The following CCSER1 variants were observed in gnomAD, a reference collection of about 807,000 sequenced individuals.
CCSER1 encodes serine-rich coiled-coil domain-containing protein 1.
In CCSER1, 41 loss-of-function variants were observed where a neutral mutation model predicts 82.0. That is an observed-to-expected ratio of 0.50 (90% CI 0.39 to 0.65). The LOEUF (loss-of-function observed/expected upper bound fraction) is 0.65. Ranked by LOEUF, CCSER1 falls within the 30% of genes least tolerant of loss-of-function variation. CCSER1 has a pLI of 0.00. For synonymous variants in CCSER1, 414 were observed against 383.9 expected, an observed-to-expected ratio of 1.08 and a Z score of -0.92; for missense variants, 1,119 against 1,064.2, an observed-to-expected ratio of 1.05 and a Z score of -0.72.
chr4:90,129,530 T>C (rs1239655996), intron 1 of CCSER1, among the ~76,000 whole-genome samples: 1 of 152,236 alleles, frequency 6.6e-6, no homozygotes, highest in Non-Finnish European at 1.5e-5. Context: ...AACTGAAATG[T>C]CTCTAAAAGC....
chr4:90,825,288 T>C lies in CCSER1; in HGVS notation c.2094+9443T>C, dbSNP rs541822417. On this transcript the variant is annotated intron_variant, in intron 8 of 10. Transcript: ENST00000509176. ...TAGGCATGTAGTTGAAATTAATTTA[T>C]ACGTAAAGTTAAACAGTTGAATATT... Among the ~76,000 whole-genome samples, 4 of 152,366 alleles carry C rather than the reference T, an allele frequency of 2.6e-5. No individual in the cohort carries two copies. In the South Asian group the frequency reaches 6.2e-4, roughly 24 times the overall value.
At chr4:90,546,661 TAA>T (rs936777650) in intron 5 of CCSER1, among the ~76,000 whole-genome samples, 1 of 151,988 alleles carries the variant, frequency 6.6e-6, no homozygotes, top group Non-Finnish European at 1.5e-5. Context: ...TGACTTTTAA[TAA>T]AAAAAATTTC....
At chr4:91,249,950 T>A (rs10015840) in intron 10 of CCSER1, among the ~76,000 whole-genome samples, 73,440 of 147,060 alleles carry the variant, frequency 0.5, 18,122 homozygotes, top group African/African-American at 0.59. Context: ...TCCTGAATAA[T>A]AAAAAAAAAA....
chr4:90,355,898 C>T (rs995037902), intron 3 of CCSER1, among the ~76,000 whole-genome samples: 4 of 151,742 alleles, frequency 2.6e-5, no homozygotes, highest in African/African-American at 9.7e-5. Context: ...TAAATTATCC[C>T]CTTGCCAGAC....
At chr4:91,467,944 C>T (rs372585264) in intron 10 of CCSER1, among the ~76,000 whole-genome samples, 7 of 152,260 alleles carry the variant, frequency 4.6e-5, no homozygotes, top group South Asian at 2.1e-4. Flanking sequence ...GACAGTGTGG[C>T]GATTCCTCAG....
intron 8 of CCSER1, among the ~76,000 whole-genome samples, chr4:90,829,972 A>C (rs1056675285): frequency 6.6e-6 from 1 of 152,056 alleles, no homozygotes; most frequent in Non-Finnish European, 1.5e-5. Flanking sequence ...GACTGTTAAC[A>C]CTCATGCCCA....
At position 91,098,745 on chromosome 4, in the gene CCSER1, GT is replaced by G. The variant is rs199762190; in HGVS notation, c.2217+12753del. Reference sequence around the variant, plus strand: ...TTTAGTAGAGATGGGGTTTCACCATGTTAGCCAGGGTGGTCTGGATCTCCTG... The same window carrying G: ...TTTAGTAGAGATGGGGTTTCACCATGTAGCCAGGGTGGTCTGGATCTCCTG... On this transcript the variant is annotated intron_variant, in intron 10 of 10. Coordinates refer to ENST00000509176, the MANE Select transcript of CCSER1 (RefSeq NM_001145065.2). 1.3e-3 allele frequency among the ~76,000 whole-genome samples: 202 copies of G among 152,204 alleles called. 4 individuals carry two copies. In the East Asian group the frequency reaches 0.029, roughly 22 times the overall value.
intron 10 of CCSER1, among the ~76,000 whole-genome samples, chr4:91,524,362 T>C (rs1760664217): frequency 6.6e-6 from 1 of 152,198 alleles, no homozygotes; most frequent in Non-Finnish European, 1.5e-5. Context: ...AGTGAAGCTA[T>C]TTCAGTTCTT....
chr4:90,243,828 C>A (rs1720889891), intron 1 of CCSER1, among the ~76,000 whole-genome samples: 1 of 151,524 alleles, frequency 6.6e-6, no homozygotes, highest in Non-Finnish European at 1.5e-5. Flanking sequence ...ATTATTACTT[C>A]TCTTACAAGT....
chr4:90,228,332 C>T (rs1378238006), intron 1 of CCSER1, among the ~76,000 whole-genome samples: 1 of 152,182 alleles, frequency 6.6e-6, no homozygotes, highest in Non-Finnish European at 1.5e-5. Flanking sequence ...CCCGAGCAGC[C>T]TAACTGGGAG....
chr4:90,886,214 G>A (rs1247796113), intron 8 of CCSER1, among the ~76,000 whole-genome samples: 2 of 152,120 alleles, frequency 1.3e-5, no homozygotes, highest in African/African-American at 4.8e-5. Flanking sequence ...TTATGAACTA[G>A]ACAAAAATAA....
chr4:91,440,390 A>G lies in CCSER1; in HGVS notation c.2218-158182A>G, dbSNP rs537349819. ...ACTGGGTACGTAACGAAATGAAGGC[A>G]GAAATAAAGATGTTCTTTGAAACCA... On this transcript the variant is annotated intron_variant, in intron 10 of 10. Coordinates refer to ENST00000509176, the MANE Select transcript of CCSER1 (RefSeq NM_001145065.2). Among the ~76,000 whole-genome samples the G allele has an allele frequency of 4.6e-5, 7 of 152,344 alleles. No individual in the cohort carries two copies. In the East Asian group the frequency reaches 9.6e-4, roughly 21 times the overall value.
chr4:91,146,560 G>C (rs1729557973), intron 10 of CCSER1, among the ~76,000 whole-genome samples: 1 of 128,106 alleles, frequency 7.8e-6, no homozygotes, highest in Non-Finnish European at 1.7e-5. Context: ...GTGTTTCTTT[G>C]TTTCTTTCTT....
At chr4:90,851,944 A>C (rs896861946) in intron 8 of CCSER1, among the ~76,000 whole-genome samples, 3 of 152,148 alleles carry the variant, frequency 2.0e-5, no homozygotes, top group Non-Finnish European at 4.4e-5. Context: ...TTTGACCTTT[A>C]ATATATATGT....
At chr4:90,570,445 G>A (rs762224087) in intron 5 of CCSER1, among the ~76,000 whole-genome samples, 3 of 152,024 alleles carry the variant, frequency 2.0e-5, no homozygotes, top group African/African-American at 4.8e-5. Context: ...CCTGCCTAAG[G>A]ATGCTCTGCC....
At chr4:90,584,246 T>A (rs558238813) in intron 5 of CCSER1, among the ~76,000 whole-genome samples, 1 of 152,168 alleles carries the variant, frequency 6.6e-6, no homozygotes, top group African/African-American at 2.4e-5. Context: ...AGCCTGTAAG[T>A]CTGGGCCTAG....
intron 5 of CCSER1, 147 bp from the exon 6 acceptor site, chr4:90,627,878 A>AAAAT (rs969986491): frequency 2.0e-5 from 13 of 656,094 alleles, no homozygotes; most frequent in Admixed American, 8.6e-5. Context: ...TCCATCTCAA[A>AAAAT]AAATAAATAA....
intron 10 of CCSER1, among the ~76,000 whole-genome samples, chr4:91,445,390 C>CT (rs5860235): frequency 0.016 from 2,318 of 141,884 alleles, 27 homozygotes; most frequent in Middle Eastern, 0.037. Context: ...ATAGTAATTC[C>CT]TTTTTTTTTT....
intron 5 of CCSER1, among the ~76,000 whole-genome samples, chr4:90,537,932 C>G (rs886576113): frequency 1.3e-5 from 2 of 151,902 alleles, no homozygotes; most frequent in African/African-American, 4.8e-5. Context: ...ACCATTTTTT[C>G]TCTTTTCTGT....
Sources: allele counts gnomAD v4.1 joint callset (sites outside exome capture counted in the v4.1 genomes callset), GRCh38; gene constraint gnomAD v4.1.1; transcripts MANE v1.5; gene names NCBI Gene and HGNC (gene_info 2026-07-23, HGNC 2026-07-21).